BRDT: variants seen among roughly 807,000 people sequenced by gnomAD.
BRDT encodes the protein bromodomain testis associated, also known as bromodomain testis-specific protein.
Under a neutral mutation model 113.9 loss-of-function variants are expected in BRDT, and 77 were observed. The ratio of observed to expected loss-of-function variants is 0.68; its 90% CI spans 0.56 to 0.82. The LOEUF (loss-of-function observed/expected upper bound fraction) is 0.82. BRDT is among the 40% of genes least tolerant of loss of function. BRDT has a pLI of 0.00. For synonymous variants in BRDT, 358 were observed against 366.5 expected, an observed-to-expected ratio of 0.98 and a Z score of 0.26; for missense variants, 1,027 against 1,105.4, an observed-to-expected ratio of 0.93 and a Z score of 1.01.
chr1:91,966,558 A>T (rs548401034), intron 3 of BRDT, among the ~76,000 whole-genome samples: 33 of 152,334 alleles, frequency 2.2e-4, no homozygotes, highest in Non-Finnish European at 4.6e-4. Context: ...AAAAATCAGT[A>T]CCATTGGCAA....
At chr1:91,977,787 T>C (rs1684300808) in intron 6 of BRDT, among the ~76,000 whole-genome samples, 1 of 151,930 alleles carries the variant, frequency 6.6e-6, no homozygotes, top group Non-Finnish European at 1.5e-5. Flanking sequence ...GAGAATCACT[T>C]GAACCTGGGA....
chr1:91,961,250 G>T (rs1238040523), intron 1 of BRDT, among the ~76,000 whole-genome samples: 2 of 152,224 alleles, frequency 1.3e-5, no homozygotes, highest in Admixed American at 6.5e-5. Context: ...GGCGGAAGTT[G>T]CAGTGAGTGG....
intron 1 of BRDT, among the ~76,000 whole-genome samples, chr1:91,960,226 C>T (rs1682283220): frequency 1.3e-5 from 2 of 152,076 alleles, no homozygotes; most frequent in African/African-American, 4.8e-5. Context: ...AAAGCAGGGT[C>T]CTGAGACACT....
chr1:91,959,567 A>G (rs369811417), intron 1 of BRDT, among the ~76,000 whole-genome samples: 105 of 151,438 alleles, frequency 6.9e-4, no homozygotes, highest in African/African-American at 2.2e-3. Flanking sequence ...TGCAGCCTCT[A>G]CCTCCCGGGT....
intron 1 of BRDT, among the ~76,000 whole-genome samples, chr1:91,953,027 G>T (rs1681294574): frequency 6.6e-6 from 1 of 152,076 alleles, no homozygotes; most frequent in Non-Finnish European, 1.5e-5. Flanking sequence ...ATGTATACAT[G>T]TGCCGTGTTG....
intron 1 of BRDT, among the ~76,000 whole-genome samples, chr1:91,962,001 C>A (rs963525003): frequency 3.3e-5 from 5 of 151,252 alleles, no homozygotes; most frequent in African/African-American, 9.7e-5. Flanking sequence ...AAAAGTTAGC[C>A]GGGCGTAGTG....
intron 15 of BRDT, among the ~76,000 whole-genome samples, chr1:91,999,532 T>C (rs963226111): frequency 1.3e-5 from 2 of 152,268 alleles, no homozygotes; most frequent in Middle Eastern, 3.4e-3. Flanking sequence ...AGCCTCTCTG[T>C]TTTTTTCATC....
chr1:92,003,203 T>C (rs1687010952), intron 16 of BRDT, among the ~76,000 whole-genome samples: 1 of 152,192 alleles, frequency 6.6e-6, no homozygotes, highest in South Asian at 2.1e-4. Context: ...GAGGGATGTT[T>C]TGACTCCTTT....
chr1:91,959,206 AAAT>A (rs952833705), intron 1 of BRDT, among the ~76,000 whole-genome samples: 5 of 152,288 alleles, frequency 3.3e-5, no homozygotes, highest in African/African-American at 1.2e-4. Context: ...AATACATAGT[AAAT>A]AATACTATAT....
intron 15 of BRDT, 143 bp downstream of exon 15, chr1:91,994,397 A>T (rs1057012687): frequency 2.8e-6 from 2 of 702,580 alleles, no homozygotes; most frequent in Non-Finnish European, 4.6e-6. Context: ...GTTACAAATA[A>T]TCACTGAAGC....
Position 91,994,175 on chromosome 1 carries a change from A to AC in BRDT, c.2208_2209insC (p.Ala738SerfsTer3). 1 of 1,613,272 alleles carries AC rather than the reference A, an allele frequency of 6.2e-7. No homozygotes were observed. The highest frequency in any genetic ancestry group is 2.2e-5 in the East Asian group (1 of 44,816). On this transcript the variant is annotated frameshift_variant, in exon 15 of 19. Transcript: ENST00000399546. LOFTEE classifies it high-confidence loss of function. ...ATGTAATGCCACCAAATCACCACCA[A>AC]TTAGCATTTAATTATCAAGAATTAG...
intron 1 of BRDT, among the ~76,000 whole-genome samples, chr1:91,961,018 A>G (rs1305943372): frequency 2.0e-5 from 3 of 152,216 alleles, no homozygotes; most frequent in Non-Finnish European, 4.4e-5. Flanking sequence ...GTTTTAAAAT[A>G]AATCACTTTG....
chr1:91,955,484 CTT>C (rs1570417548), intron 1 of BRDT, among the ~76,000 whole-genome samples: 1 of 151,916 alleles, frequency 6.6e-6, no homozygotes, highest in Non-Finnish European at 1.5e-5. Flanking sequence ...ACAAAAACCT[CTT>C]TTGGGTTCTT....
chr1:91,988,892 T>C (rs1014466634), intron 12 of BRDT, among the ~76,000 whole-genome samples: 1 of 152,224 alleles, frequency 6.6e-6, no homozygotes, highest in Non-Finnish European at 1.5e-5. Flanking sequence ...AAGATTAGAA[T>C]GAGAAGCAAA....
Position 91,981,277 on chromosome 1 carries a change from T to C in BRDT, c.1760T>C (p.Ile587Thr). The change falls in exon 11 of 19, where the codon ATA becomes ACA. Residue 587 changes from isoleucine to threonine, a missense_variant. Ile to Thr is a moderately conservative substitution (Grantham distance 89, BLOSUM62 -1). Transcript: ENST00000399546. ...KRPLKPPAKK[I>T]MMSKEELHSQ... ...CTCCTAAATCACACAGCTAAGAAAA[T>C]AATGATGTCCAAAGAAGAACTTCAC... The C allele has an allele frequency of 1.2e-6, 2 of 1,613,936 alleles. No individual in the cohort carries two copies. The highest frequency in any genetic ancestry group is 1.7e-6 in the Non-Finnish European group (2 of 1,179,926).
At position 91,981,682 on chromosome 1, in the gene BRDT, C is replaced by T. The variant is rs1410459537; in HGVS notation, c.1929C>T (p.Ser643=). ...CCCGACTGAGTGAGAGCAGCAGCAG[C>T]AGCAGCAGCTCATCAGAGTCTGAAA... ...NVSRLSESSS[S]SSSSSESESS... Residue 643 remains serine (S), a synonymous_variant, in exon 12 of 19, where the codon AGC becomes AGT. Transcript: ENST00000399546. 1 of 1,614,206 alleles carries T rather than the reference C, an allele frequency of 6.2e-7. No individual in the cohort carries two copies. Among genetic ancestry groups the T allele is most frequent in the East Asian group, 2.2e-5 (1 of 44,884 alleles).
chr1:91,978,278 A>G lies in BRDT; in HGVS notation c.1080A>G (p.Thr360=), dbSNP rs375474891. The G allele has an allele frequency of 9.3e-6, 15 of 1,614,130 alleles. No individual in the cohort carries two copies. The Admixed American group carries it at 1.5e-4, about 16-fold the overall frequency. The change falls in exon 7 of 19, where the codon ACA becomes ACG. Residue 360 remains threonine (T), a synonymous_variant. Coordinates refer to ENST00000399546, the MANE Select transcript of BRDT (RefSeq NM_207189.4). ...KYNPPDHEVV[T]MARMLQDVFE... ...ATCCTCCAGATCACGAAGTTGTGACAATGGCAAGAATGCTTCAGGTGAGCT... is the reference window on the plus strand; with the variant it reads ...ATCCTCCAGATCACGAAGTTGTGACGATGGCAAGAATGCTTCAGGTGAGCT...
intron 8 of BRDT, 22 bp downstream of exon 8, chr1:91,979,779 A>C: frequency 1.9e-6 from 3 of 1,577,298 alleles, no homozygotes; most frequent in Non-Finnish European, 2.6e-6. Context: ...TATTGATACA[A>C]ATTTTGATAA....
chr1:92,006,944 C>T (rs1388225013), intron 18 of BRDT, among the ~76,000 whole-genome samples: 3 of 151,910 alleles, frequency 2.0e-5, no homozygotes, highest in Non-Finnish European at 2.9e-5. Context: ...CGTGCCACCA[C>T]ACCCAGCTAA....
Sources: allele counts gnomAD v4.1 joint callset (sites outside exome capture counted in the v4.1 genomes callset), GRCh38; gene constraint gnomAD v4.1.1; transcripts MANE v1.5; gene names NCBI Gene and HGNC (gene_info 2026-07-23, HGNC 2026-07-21).